The following NME7 variants were observed in gnomAD, a reference collection of about 807,000 sequenced individuals.
The protein encoded by NME7 is nucleoside diphosphate kinase 7.
NME7 carries 41 observed loss-of-function variants against 49.1 expected under a neutral mutation model. The ratio of observed to expected loss-of-function variants is 0.83; its 90% CI spans 0.65 to 1.08. The LOEUF (loss-of-function observed/expected upper bound fraction) is 1.08. Among genes scored for constraint, NME7 ranks in the 50% least tolerant of loss-of-function variants. NME7 has a pLI of 0.00. For synonymous variants in NME7, 139 were observed against 150.6 expected (o/e 0.92, Z 0.56); for missense variants, 423 against 463.4 (o/e 0.91, Z 0.80).
chr1:169,278,873 T>C (rs538766654), intron 7 of NME7, among the ~76,000 whole-genome samples: 121 of 152,232 alleles, frequency 7.9e-4, no homozygotes, highest in Non-Finnish European at 1.4e-3. Context: ...GTGTGGATGT[T>C]CTTTCTGTTT....
At chr1:169,284,407 T>A (rs538871102) in intron 7 of NME7, 32 of 152,228 alleles carry the variant, frequency 2.1e-4, no homozygotes, top group African/African-American at 7.5e-4. Flanking sequence ...GAAGGGTCTG[T>A]CCATGTCCTT....
intron 10 of NME7, among the ~76,000 whole-genome samples, chr1:169,182,164 C>T (rs1659946296): frequency 1.0e-5 from 1 of 97,120 alleles, no homozygotes; most frequent in Non-Finnish European, 2.1e-5. Context: ...GCCACCACAA[C>T]TAGCTAATTT....
intron 4 of NME7, among the ~76,000 whole-genome samples, chr1:169,306,436 T>C (rs1174121787): frequency 3.9e-5 from 6 of 152,242 alleles, no homozygotes; most frequent in East Asian, 1.9e-4. Context: ...TGTTGATACG[T>C]TGAAAGCCTG....
intron 7 of NME7, among the ~76,000 whole-genome samples, chr1:169,258,557 A>T (rs1174649834): frequency 7.8e-6 from 1 of 128,734 alleles, no homozygotes; most frequent in Non-Finnish European, 1.8e-5. Flanking sequence ...AAATTTAGAC[A>T]TCTTATTATA....
intron 10 of NME7, among the ~76,000 whole-genome samples, chr1:169,216,556 C>A (rs1315027405): frequency 6.6e-6 from 1 of 152,222 alleles, no homozygotes; most frequent in East Asian, 1.9e-4. Context: ...AACGTGTTTC[C>A]CTTAGTTCTG....
intron 1 of NME7, among the ~76,000 whole-genome samples, chr1:169,360,094 G>C (rs914803706): frequency 6.6e-6 from 1 of 152,170 alleles, no homozygotes; most frequent in African/African-American, 2.4e-5. Flanking sequence ...GCAGCATCAA[G>C]AAAGGTACTA....
chr1:169,276,987 GT>G (rs1403509377), intron 7 of NME7, among the ~76,000 whole-genome samples: 1 of 150,502 alleles, frequency 6.6e-6, no homozygotes, highest in Non-Finnish European at 1.5e-5. Flanking sequence ...TTTCCATGTA[GT>G]TGAGTGGTTT....
chr1:169,165,819 T>C (rs570143435), intron 11 of NME7, among the ~76,000 whole-genome samples: 1 of 152,330 alleles, frequency 6.6e-6, no homozygotes, highest in East Asian at 1.9e-4. Flanking sequence ...CAGCACTCTT[T>C]ATTTCATTTT....
Position 169,298,764 on chromosome 1 carries a change from C to T in NME7, c.441-1G>A. 1 of 1,612,292 alleles carries T rather than the reference C, an allele frequency of 6.2e-7. No homozygotes were observed. The highest frequency in any genetic ancestry group is 8.5e-7 in the Non-Finnish European group (1 of 1,178,946). On this transcript the variant is annotated splice_acceptor_variant, in intron 5 of 11. Transcript: ENST00000367811. LOFTEE classifies it high-confidence loss of function. ...AGTTGTAATAAACTGGATCAGCTCA[C>T]TACAAAACAGATAGAAGATTAGTTT...
chr1:169,367,583 G>A lies in NME7; in HGVS notation c.3+125C>T, dbSNP rs570645589. ...CTGCAGGAACAGCCCGTGGGAAGGG[G>A]GAAAGAGATAACGGGGAGAAGGTCG... On this transcript the variant is annotated intron_variant, in intron 1 of 11. Transcript: ENST00000367811. 9.5e-6 allele frequency: 10 copies of A among 1,052,228 alleles called. No individual in the cohort carries two copies. The African/African-American group carries it at 1.4e-4, about 15-fold the overall frequency. The allele number at this position is 1,052,228 out of a possible 1,614,324, so 65.2% of individuals were successfully genotyped here.
rs554167768 is a variant in NME7, at chr1:169,293,140, A to G, written c.648+5416T>C. ...CAAGACCCTGTCTTTAGAAAAAATA[A>G]AAAAAAATAGCTGGACATGGTGGTA... On this transcript the variant is annotated intron_variant, in intron 6 of 11. Coordinates refer to ENST00000367811, the MANE Select transcript of NME7 (RefSeq NM_013330.5). Among the ~76,000 whole-genome samples the G allele has an allele frequency of 6.6e-3, 996 of 151,760 alleles. 20 individuals carry two copies. The highest frequency in any genetic ancestry group is 0.023 in the African/African-American group (951 of 41,396).
chr1:169,258,405 T>TATATATACACAC (rs1422519342), intron 7 of NME7, among the ~76,000 whole-genome samples: 1 of 68,784 alleles, frequency 1.5e-5, no homozygotes, highest in African/African-American at 5.3e-5. Context: ...TATATATATA[T>TATATATACACAC]ACACACACAC....
chr1:169,347,990 A>G (rs1427418431), intron 1 of NME7, among the ~76,000 whole-genome samples: 1 of 152,182 alleles, frequency 6.6e-6, no homozygotes, highest in Non-Finnish European at 1.5e-5. Flanking sequence ...AATTACTACT[A>G]TTCTGCATTA....
intron 1 of NME7, among the ~76,000 whole-genome samples, chr1:169,366,847 T>C (rs1653881381): frequency 6.6e-6 from 1 of 152,032 alleles, no homozygotes; most frequent in South Asian, 2.1e-4. Context: ...AAAGGATTGC[T>C]GAGTAGTATG....
chr1:169,313,449 CA>C (rs1193252730), intron 3 of NME7, among the ~76,000 whole-genome samples: 1 of 152,130 alleles, frequency 6.6e-6, no homozygotes, highest in African/African-American at 2.4e-5. Context: ...ATCATCTAAG[CA>C]GTCTCAAAAC....
At chr1:169,158,430 T>C (rs1177654239) in intron 11 of NME7, among the ~76,000 whole-genome samples, 6 of 152,228 alleles carry the variant, frequency 3.9e-5, no homozygotes, top group Admixed American at 6.5e-5. Flanking sequence ...TTAAAACTTA[T>C]AAATTGTTTA....
intron 7 of NME7, among the ~76,000 whole-genome samples, chr1:169,252,941 A>ACCAT (rs1392948326): frequency 1.0e-4 from 15 of 149,586 alleles, no homozygotes; most frequent in Admixed American, 1.0e-3. Context: ...TGGTACCAGT[A>ACCAT]CCATGCTGTT....
At chr1:169,233,385 G>A (rs947321526) in intron 9 of NME7, among the ~76,000 whole-genome samples, 1 of 152,054 alleles carries the variant, frequency 6.6e-6, no homozygotes, top group African/African-American at 2.4e-5. Context: ...AAGACTTTGA[G>A]GCAGAAGTAC....
At chr1:169,212,599 CTT>C (rs71121740) in intron 10 of NME7, among the ~76,000 whole-genome samples, 36 of 116,404 alleles carry the variant, frequency 3.1e-4, no homozygotes, top group Admixed American at 4.0e-4. Flanking sequence ...AACAAATGTC[CTT>C]TTTTTTTTTT....
Sources: gnomAD v4.1 joint callset for allele counts (sites outside exome capture counted in the v4.1 genomes callset) on GRCh38, gnomAD v4.1.1 for gene constraint, MANE v1.5 for transcripts, NCBI Gene and HGNC (gene_info 2026-07-23, HGNC 2026-07-21) for gene names.